Variants in RAP2B observed in about 807,000 individuals in gnomAD.
RAP2B encodes RAP2B, member of RAS oncogene family, also known as ras-related protein Rap-2b.
Under a neutral mutation model 14.4 loss-of-function variants are expected in RAP2B, and 6 were observed. The observed-to-expected ratio is 0.42, with a 90% confidence interval of 0.23 to 0.82. The LOEUF is 0.82. Ranked by LOEUF, RAP2B falls within the 40% of genes least tolerant of loss-of-function variation. The pLI is 0.30. For missense variants in RAP2B, 137 were observed against 248.2 expected, an observed-to-expected ratio of 0.55 and a Z score of 3.01; for synonymous variants, 118 against 113.2, an observed-to-expected ratio of 1.04 and a Z score of -0.27.
rs1246480602 is a variant in RAP2B at position 153,167,147 on chromosome 3, TA to T, written c.*3903del. ...CTAATATACATTTTGTCTGTGAAAA[TA>T]TAGTAAATTTTAAAATACTAATATA... On this transcript the variant is annotated 3_prime_UTR_variant, in exon 1 of 1. Coordinates refer to ENST00000323534, the MANE Select transcript of RAP2B (RefSeq NM_002886.4). 1 of 167,038 alleles carries T rather than the reference TA, an allele frequency of 6.0e-6. No homozygotes were observed. Among genetic ancestry groups the T allele is most frequent in the Non-Finnish European group, 1.5e-5 (1 of 68,108 alleles). 10.3% of individuals were successfully genotyped at this position (167,038 alleles called of 1,614,324 possible). A position where few individuals can be genotyped will look rare whatever the true frequency, so the allele number is the denominator to read the frequency against.
Position 153,163,504 on chromosome 3 carries a change from G to A in RAP2B, c.*259G>A. On this transcript the variant is annotated 3_prime_UTR_variant, in exon 1 of 1. Transcript: ENST00000323534. ...ACGTTTCTCCCTGATTTTGGTTGAT[G>A]CATATTTCCCCGTTTAAGTAGCCGT... is the stretch of plus-strand genomic sequence containing the variant. The A allele has an allele frequency of 2.0e-6, 1 of 490,680 alleles. No individual in the cohort carries two copies. Among genetic ancestry groups the A allele is most frequent in the African/African-American group, 2.0e-5 (1 of 50,234 alleles). The allele number at this position is 490,680 out of a possible 1,614,324, so 30.4% of individuals were successfully genotyped here. A position where few individuals can be genotyped will look rare whatever the true frequency, so the allele number is the denominator to read the frequency against.
rs904640287 is a variant in RAP2B at position 153,170,571 on chromosome 3, G to T, written c.*7326G>T. 5 of 152,070 alleles carry T rather than the reference G, an allele frequency of 3.3e-5. No homozygotes were observed. The highest frequency in any genetic ancestry group is 6.6e-5 in the Admixed American group (1 of 15,266). The allele number at this position is 152,070 out of a possible 1,614,324, so 9.4% of individuals were successfully genotyped here. ...AGAGTAGATAAATTTATTGAACATT[G>T]GGCCTTTGAAAGGTATGTGGAAATT... On this transcript the variant is annotated 3_prime_UTR_variant, in exon 1 of 1. Coordinates refer to ENST00000323534, the MANE Select transcript of RAP2B (RefSeq NM_002886.4).
Position 153,162,558 on chromosome 3 carries a change from C to T in RAP2B, c.-136C>T, listed in dbSNP as rs11556166. ...CGTTCGGTGGTTTCCGCCCTGCGTT[C>T]TCTGGGTTGCTCTCTCCTGGGTTTT... On this transcript the variant is annotated 5_prime_UTR_variant, in exon 1 of 1. Coordinates refer to ENST00000323534, the MANE Select transcript of RAP2B (RefSeq NM_002886.4). The surrounding 1 kb of genome is among the most constrained non-coding windows in gnomAD (Gnocchi z 4.9). The T allele has an allele frequency of 0.086, 95,125 of 1,101,258 alleles. 4,665 individuals are homozygous for T. The highest frequency in any genetic ancestry group is 0.097 in the Non-Finnish European group (77,470 of 802,196). The allele number at this position is 1,101,258 out of a possible 1,614,324, so 68.2% of individuals were successfully genotyped here. A position where few individuals can be genotyped will look rare whatever the true frequency, so the allele number is the denominator to read the frequency against.
At position 153,162,637 on chromosome 3, in the gene RAP2B, C is replaced by G; in HGVS notation, c.-57C>G. ...AGTCCAGCCGCCAAGCCCAGCCTTC[C>G]CCGGCGCGCAGCCCCGACGGGGCCG... On this transcript the variant is annotated 5_prime_UTR_variant, in exon 1 of 1. Transcript: ENST00000323534. The surrounding 1 kb of genome is among the most constrained non-coding windows in gnomAD (Gnocchi z 4.9). The G allele has an allele frequency of 1.3e-6, 2 of 1,524,900 alleles. No individual in the cohort carries two copies. Among genetic ancestry groups the G allele is most frequent in the African/African-American group, 2.8e-5 (2 of 72,402 alleles). The allele number at this position is 1,524,900 out of a possible 1,614,324, so 94.5% of individuals were successfully genotyped here.
Position 153,168,476 on chromosome 3 carries a change from ATT to A in RAP2B, c.*5238_*5239del, listed in dbSNP as rs923833475. 6.0e-6 allele frequency: 1 copy of A among 165,430 alleles called. No homozygotes were observed. The highest frequency in any genetic ancestry group is 6.6e-5 in the Admixed American group (1 of 15,248). 10.2% of individuals were successfully genotyped at this position (165,430 alleles called of 1,614,324 possible). On this transcript the variant is annotated 3_prime_UTR_variant, in exon 1 of 1. Coordinates refer to ENST00000323534, the MANE Select transcript of RAP2B (RefSeq NM_002886.4). Reference sequence around the variant, plus strand: ...AGAATAATAAATATTTTTGGTTAAAATTTTTTTTGTTCAACCCTGTTGTTGTT... The same window carrying A: ...AGAATAATAAATATTTTTGGTTAAAATTTTTTGTTCAACCCTGTTGTTGTT...
chr3:153,167,175 TGTG>T lies in RAP2B; in HGVS notation c.*3933_*3935del, dbSNP rs371373549. On this transcript the variant is annotated 3_prime_UTR_variant, in exon 1 of 1. Transcript: ENST00000323534. ...AGTAAATTTTAAAATACTAATATAATGTGGTATTCTTGATTACAGTATTTTATG... is the reference window on the plus strand; with the variant it reads ...AGTAAATTTTAAAATACTAATATAATGTATTCTTGATTACAGTATTTTATG... 3.6e-5 allele frequency: 6 copies of T among 167,122 alleles called. No individual in the cohort carries two copies. In the East Asian group the frequency reaches 9.6e-4, roughly 27 times the overall value. The allele number at this position is 167,122 out of a possible 1,614,324, so 10.4% of individuals were successfully genotyped here. A position where few individuals can be genotyped will look rare whatever the true frequency, so the allele number is the denominator to read the frequency against.
At position 153,163,099 on chromosome 3, in the gene RAP2B, G is replaced by C; in HGVS notation, c.406G>C (p.Glu136Gln). 6.2e-7 allele frequency: 1 copy of C among 1,613,890 alleles called. No homozygotes were observed. Among genetic ancestry groups the C allele is most frequent in the Non-Finnish European group, 8.5e-7 (1 of 1,180,046 alleles). Residue 136 changes from glutamate to glutamine, a missense_variant, in exon 1 of 1, where the codon GAG becomes CAG. By Grantham distance (29) the Glu-to-Gln change is conservative. Around this residue, in one of 2 missense-constraint regions of RAP2B, gnomAD observed 106 missense variants for 143.5 expected, o/e 0.74. Transcript: ENST00000323534. The part of the protein sequence containing the change: ...VSYGEGKALA[E>Q]EWSCPFMETS... Reference sequence around the variant, plus strand: ...GTACGGGGAGGGCAAGGCCCTGGCTGAGGAGTGGAGCTGCCCCTTCATGGA... The same window carrying C: ...GTACGGGGAGGGCAAGGCCCTGGCTCAGGAGTGGAGCTGCCCCTTCATGGA...
chr3:153,163,635 G>GTTT lies in RAP2B; in HGVS notation c.*405_*407dup, dbSNP rs112079528. Reference sequence around the variant, plus strand: ...AAAGGAGGGAGAGAAGGTGGAAATGGTTTTTTTTTTTTTTTTTCTATTTTC... The same window carrying GTTT: ...AAAGGAGGGAGAGAAGGTGGAAATGGTTTTTTTTTTTTTTTTTTTTCTATTTTC... On this transcript the variant is annotated 3_prime_UTR_variant, in exon 1 of 1. Coordinates refer to ENST00000323534, the MANE Select transcript of RAP2B (RefSeq NM_002886.4). 15 of 103,830 alleles carry GTTT rather than the reference G, an allele frequency of 1.4e-4. No homozygotes were observed. The highest frequency in any genetic ancestry group is 7.1e-4 in the South Asian group (2 of 2,812). 6.4% of individuals were successfully genotyped at this position (103,830 alleles called of 1,614,324 possible).
At position 153,165,923 on chromosome 3, in the gene RAP2B, TGGC is replaced by T. The variant is rs1713564412; in HGVS notation, c.*2679_*2681del. ...GAGGGTTTTTTTAAGAAAAGGCATT[TGGC>T]ATTTAACTGTCTCTTGTTTTATTTT... On this transcript the variant is annotated 3_prime_UTR_variant, in exon 1 of 1. Transcript: ENST00000323534. 2 of 167,234 alleles carry T rather than the reference TGGC, an allele frequency of 1.2e-5. No individual in the cohort carries two copies. Among genetic ancestry groups the T allele is most frequent in the Admixed American group, 1.3e-4 (2 of 15,308 alleles). 10.4% of individuals were successfully genotyped at this position (167,234 alleles called of 1,614,324 possible).
rs1449932161 is a variant in RAP2B at position 153,163,967 on chromosome 3, T to C, written c.*722T>C. On this transcript the variant is annotated 3_prime_UTR_variant, in exon 1 of 1. Transcript: ENST00000323534. ...ACTGTTAACACTGATGCCAATACAG[T>C]GTGGGGTGCCAGAAAGTGTCTGCTG... 1 of 166,786 alleles carries C rather than the reference T, an allele frequency of 6.0e-6. No homozygotes were observed. Among genetic ancestry groups the C allele is most frequent in the African/African-American group, 2.4e-5 (1 of 41,354 alleles). 10.3% of individuals were successfully genotyped at this position (166,786 alleles called of 1,614,324 possible). A position where few individuals can be genotyped will look rare whatever the true frequency, so the allele number is the denominator to read the frequency against.
In RAP2B at chr3:153,165,307, T is replaced by C. The variant is rs1397720308; in HGVS notation, c.*2062T>C. On this transcript the variant is annotated 3_prime_UTR_variant, in exon 1 of 1. Transcript: ENST00000323534. ...CTAAGATAATATCCTTGTTCTCATTTACACCCTGCAGTTTGGACCACATTT... is the reference window on the plus strand; with the variant it reads ...CTAAGATAATATCCTTGTTCTCATTCACACCCTGCAGTTTGGACCACATTT... 5 of 167,110 alleles carry C rather than the reference T, an allele frequency of 3.0e-5. No individual in the cohort carries two copies. The highest frequency in any genetic ancestry group is 5.9e-5 in the Non-Finnish European group (4 of 68,122). The allele number at this position is 167,110 out of a possible 1,614,324, so 10.4% of individuals were successfully genotyped here.
In RAP2B at chr3:153,165,736, C is replaced by T. The variant is rs905337789; in HGVS notation, c.*2491C>T. 6.0e-6 allele frequency: 1 copy of T among 166,562 alleles called. No individual in the cohort carries two copies. Among genetic ancestry groups the T allele is most frequent in the Non-Finnish European group, 1.5e-5 (1 of 68,032 alleles). 10.3% of individuals were successfully genotyped at this position (166,562 alleles called of 1,614,324 possible). A position where few individuals can be genotyped will look rare whatever the true frequency, so the allele number is the denominator to read the frequency against. Reference sequence around the variant, plus strand: ...GATCTCACTTAAGTTTGATATCAAACACAATTGGGAGGCAATAGTATCAAT... The same window carrying T: ...GATCTCACTTAAGTTTGATATCAAATACAATTGGGAGGCAATAGTATCAAT... On this transcript the variant is annotated 3_prime_UTR_variant, in exon 1 of 1. Coordinates refer to ENST00000323534, the MANE Select transcript of RAP2B (RefSeq NM_002886.4).
At position 153,169,571 on chromosome 3, in the gene RAP2B, G is replaced by C. The variant is rs1713675128; in HGVS notation, c.*6326G>C. On this transcript the variant is annotated 3_prime_UTR_variant, in exon 1 of 1. Coordinates refer to ENST00000323534, the MANE Select transcript of RAP2B (RefSeq NM_002886.4). ...AGCGATTAGCCTGCCTCATCCTCCT[G>C]AGTAGCTGGGATTACAGGCGTGCAC... 6.6e-6 allele frequency: 1 copy of C among 152,666 alleles called. No homozygotes were observed. Among genetic ancestry groups the C allele is most frequent in the African/African-American group, 2.4e-5 (1 of 41,398 alleles). The allele number at this position is 152,666 out of a possible 1,614,324, so 9.5% of individuals were successfully genotyped here.
rs985700059 is a variant in RAP2B, at chr3:153,170,528, G to A, written c.*7283G>A. On this transcript the variant is annotated 3_prime_UTR_variant, in exon 1 of 1. Coordinates refer to ENST00000323534, the MANE Select transcript of RAP2B (RefSeq NM_002886.4). ...TGTGTCATCAGTTATAATACTGTGG[G>A]GCTGTTTGGCAGACAATAGAGTAGA... 1 of 152,108 alleles carries A rather than the reference G, an allele frequency of 6.6e-6. No individual in the cohort carries two copies. The highest frequency in any genetic ancestry group is 6.6e-5 in the Admixed American group (1 of 15,266). The allele number at this position is 152,108 out of a possible 1,614,324, so 9.4% of individuals were successfully genotyped here.
rs1713626606 is a variant in RAP2B at position 153,167,987 on chromosome 3, A to G, written c.*4742A>G. ...AAAATCATTGTGCCAGAGAATTTAA[A>G]TCTTCATATCATGGTAAGCACATGC... On this transcript the variant is annotated 3_prime_UTR_variant, in exon 1 of 1. Transcript: ENST00000323534. 1 of 167,096 alleles carries G rather than the reference A, an allele frequency of 6.0e-6. No individual in the cohort carries two copies. Among genetic ancestry groups the G allele is most frequent in the African/African-American group, 2.4e-5 (1 of 41,464 alleles). 10.4% of individuals were successfully genotyped at this position (167,096 alleles called of 1,614,324 possible). A position where few individuals can be genotyped will look rare whatever the true frequency, so the allele number is the denominator to read the frequency against.
chr3:153,168,226 A>G lies in RAP2B; in HGVS notation c.*4981A>G, dbSNP rs2108017306. 6.0e-6 allele frequency: 1 copy of G among 167,066 alleles called. No individual in the cohort carries two copies. The highest frequency in any genetic ancestry group is 2.1e-4 in the South Asian group (1 of 4,832). 10.3% of individuals were successfully genotyped at this position (167,066 alleles called of 1,614,324 possible). ...AGACAATTTGGGGGCCTTCTAAAGA[A>G]ACAATAGTAGATCTAATTACAAGTA... On this transcript the variant is annotated 3_prime_UTR_variant, in exon 1 of 1. Coordinates refer to ENST00000323534, the MANE Select transcript of RAP2B (RefSeq NM_002886.4).
Position 153,168,179 on chromosome 3 carries a change from T to C in RAP2B, c.*4934T>C, listed in dbSNP as rs1713633160. On this transcript the variant is annotated 3_prime_UTR_variant, in exon 1 of 1. Transcript: ENST00000323534. ...TCCCTCAGAAGGTCCCAGAACTTTA[T>C]GTTAAAGATCTGGGTTTTTAAAGAC... 1 of 166,988 alleles carries C rather than the reference T, an allele frequency of 6.0e-6. No homozygotes were observed. Among genetic ancestry groups the C allele is most frequent in the Non-Finnish European group, 1.5e-5 (1 of 68,108 alleles). 10.3% of individuals were successfully genotyped at this position (166,988 alleles called of 1,614,324 possible). A position where few individuals can be genotyped will look rare whatever the true frequency, so the allele number is the denominator to read the frequency against.
chr3:153,162,720 G>A lies in RAP2B; in HGVS notation c.27G>A (p.Leu9=). 6.2e-7 allele frequency: 1 copy of A among 1,613,214 alleles called. No individual in the cohort carries two copies. Among genetic ancestry groups the A allele is most frequent in the Non-Finnish European group, 8.5e-7 (1 of 1,179,826 alleles). ...TGAGAGAGTACAAAGTGGTGGTGCTGGGCTCGGGCGGCGTGGGCAAGTCCG... is the reference window on the plus strand; with the variant it reads ...TGAGAGAGTACAAAGTGGTGGTGCTAGGCTCGGGCGGCGTGGGCAAGTCCG... The part of the protein sequence containing the change: MREYKVVV[L]GSGGVGKSAL... The change falls in exon 1 of 1, where the codon CTG becomes CTA. Residue 9 remains leucine, a synonymous_variant. Coordinates refer to ENST00000323534, the MANE Select transcript of RAP2B (RefSeq NM_002886.4). This position sits in a 1 kb window ranked among gnomAD's most constrained non-coding sequence, Gnocchi z 4.9.
chr3:153,169,171 T>C lies in RAP2B; in HGVS notation c.*5926T>C, dbSNP rs1380730942. 6.6e-6 allele frequency: 1 copy of C among 152,184 alleles called. No individual in the cohort carries two copies. The highest frequency in any genetic ancestry group is 1.5e-5 in the Non-Finnish European group (1 of 68,042). 9.4% of individuals were successfully genotyped at this position (152,184 alleles called of 1,614,324 possible). A position where few individuals can be genotyped will look rare whatever the true frequency, so the allele number is the denominator to read the frequency against. ...AACAATGAGATGATAATTTTTTTTTTCTTTGAGACGGAGTCTTGCTCTGTC... is the reference window on the plus strand; with the variant it reads ...AACAATGAGATGATAATTTTTTTTTCCTTTGAGACGGAGTCTTGCTCTGTC... On this transcript the variant is annotated 3_prime_UTR_variant, in exon 1 of 1. Coordinates refer to ENST00000323534, the MANE Select transcript of RAP2B (RefSeq NM_002886.4).
Sources: gnomAD v4.1 joint callset for allele counts on GRCh38, gnomAD v4.1.1 for gene constraint, gnomAD v4.1.1 regional missense constraint, Gnocchi (gnomAD v3.1) non-coding constraint, MANE v1.5 for transcripts, NCBI Gene and HGNC (gene_info 2026-07-23, HGNC 2026-07-21) for gene names.